Variants in PDE1C observed in about 807,000 individuals in gnomAD.
The protein encoded by PDE1C is dual specificity calcium/calmodulin-dependent 3',5'-cyclic nucleotide phosphodiesterase 1C.
Under a neutral mutation model 93.1 loss-of-function variants are expected in PDE1C, and 62 were observed. That is an observed-to-expected ratio of 0.67 (90% CI 0.54 to 0.82). The LOEUF is 0.82. Ranked by LOEUF, PDE1C falls within the 40% of genes least tolerant of loss-of-function variation. The probability of loss-of-function intolerance (pLI) is 0.00; values close to 1 mark genes in which losing one functional copy is unlikely to be tolerated. For missense variants in PDE1C, 742 were observed against 884.6 expected, an observed-to-expected ratio of 0.84 and a Z score of 2.04; for synonymous variants, 325 against 310.1, an observed-to-expected ratio of 1.05 and a Z score of -0.50.
intron 1 of PDE1C, among the ~76,000 whole-genome samples, chr7:32,405,238 T>C (rs1785028788): frequency 7.5e-6 from 1 of 133,860 alleles, no homozygotes; most frequent in Non-Finnish European, 1.6e-5. Context: ...ATAATTAACT[T>C]ATTTTTTCTT....
In PDE1C at chr7:31,824,927, A is replaced by G. The variant is rs768668672; in HGVS notation, c.1346T>C (p.Ile449Thr). 5.0e-6 allele frequency: 8 copies of G among 1,613,248 alleles called. No homozygotes were observed. The highest frequency in any genetic ancestry group is 4.4e-5 in the South Asian group (4 of 91,034). Residue 449 changes from isoleucine (I) to threonine (T), a missense_variant, in exon 13 of 18, where the codon ATT becomes ACT. This residue lies in a region of PDE1C where 454 missense variants were observed against 459.4 expected (regional missense o/e 0.99). Coordinates refer to ENST00000396191, the MANE Select transcript of PDE1C (RefSeq NM_001191057.4). ...FTVLTDMTEKIVSPLIDETSQ... is the reference protein window; with the variant it reads ...FTVLTDMTEKTVSPLIDETSQ... The stretch of plus-strand genomic sequence containing the variant: ...GGTTTCATCGATTAATGGACTCACA[A>G]TCTTCTCGGTCATGTCCGTAAGCAC...
intron 1 of PDE1C, among the ~76,000 whole-genome samples, chr7:32,210,244 A>G (rs541268301): frequency 1.6e-3 from 242 of 152,348 alleles, no homozygotes; most frequent in African/African-American, 5.6e-3. Context: ...TTAAGGGGAA[A>G]CACAGGTTTC....
intron 1 of PDE1C, among the ~76,000 whole-genome samples, chr7:32,422,436 G>T (rs761939741): frequency 1.3e-5 from 2 of 152,142 alleles, no homozygotes; most frequent in African/African-American, 2.4e-5. Flanking sequence ...CAGTCACACA[G>T]GTAGTGAGCA....
chr7:32,039,339 A>G lies in PDE1C; in HGVS notation c.128+12215T>C, dbSNP rs533156725. Among the ~76,000 whole-genome samples, 14 of 152,350 alleles carry G rather than the reference A, an allele frequency of 9.2e-5. No homozygotes were observed. The South Asian group carries it at 2.9e-3, about 32-fold the overall frequency. On this transcript the variant is annotated intron_variant, in intron 2 of 17. Transcript: ENST00000396191. ...GATGTAGGATTATGAATTTGGTATG[A>G]CAGCAGAAGGATGATTGCACATCTC...
intron 3 of PDE1C, among the ~76,000 whole-genome samples, chr7:32,164,648 G>T (rs974727387): frequency 2.0e-5 from 3 of 152,160 alleles, no homozygotes; most frequent in Non-Finnish European, 4.4e-5. Context: ...CTTTTGAGGG[G>T]ATTAAATGAG....
chr7:31,763,162 C>T (rs1238562550), intron 17 of PDE1C, among the ~76,000 whole-genome samples: 1 of 152,122 alleles, frequency 6.6e-6, no homozygotes, highest in East Asian at 1.9e-4. Context: ...TTGAGAGCAA[C>T]TTGGTTTATA....
At chr7:31,896,481 T>G (rs1426893900) in intron 2 of PDE1C, among the ~76,000 whole-genome samples, 2 of 152,326 alleles carry the variant, frequency 1.3e-5, no homozygotes, top group East Asian at 1.9e-4. Context: ...ACAGCTAGCC[T>G]TGTTGAATAT....
chr7:31,673,830 A>G, the PDE1C span, among the ~76,000 whole-genome samples: 5 of 152,272 alleles, frequency 3.3e-5, no homozygotes, highest in South Asian at 8.3e-4. Context: ...TGAAATTATA[A>G]TATCAGAGCG....
At chr7:32,081,593 C>G (rs995985099) in intron 3 of PDE1C, among the ~76,000 whole-genome samples, 2 of 152,228 alleles carry the variant, frequency 1.3e-5, no homozygotes, top group African/African-American at 4.8e-5. Flanking sequence ...CAATGCTCAG[C>G]AATTCCTAAG....
At chr7:32,133,962 A>C (rs1249075202) in intron 3 of PDE1C, among the ~76,000 whole-genome samples, 2 of 151,808 alleles carry the variant, frequency 1.3e-5, no homozygotes, top group Admixed American at 6.6e-5. Context: ...AAATATAAAA[A>C]GAAACATAAT....
chr7:32,250,143 A>G (rs1413372101), intron 1 of PDE1C, among the ~76,000 whole-genome samples: 1 of 152,106 alleles, frequency 6.6e-6, no homozygotes, highest in East Asian at 1.9e-4. Context: ...ATGACACAAG[A>G]GCTCCCATTT....
chr7:31,792,727 C>T (rs1784725775), intron 16 of PDE1C, among the ~76,000 whole-genome samples: 1 of 151,992 alleles, frequency 6.6e-6, no homozygotes, highest in Non-Finnish European at 1.5e-5. Context: ...TCAATATAAA[C>T]TGAAATTCAG....
chr7:31,968,150 GA>G (rs1487166073), intron 2 of PDE1C, among the ~76,000 whole-genome samples: 2 of 152,130 alleles, frequency 1.3e-5, no homozygotes, highest in African/African-American at 4.8e-5. Context: ...ATTCAATTAG[GA>G]AAAGAGGAAG....
chr7:31,830,616 T>G (rs901236168), intron 11 of PDE1C, among the ~76,000 whole-genome samples: 1 of 152,166 alleles, frequency 6.6e-6, no homozygotes, highest in Non-Finnish European at 1.5e-5. Flanking sequence ...GTTAGGCAGG[T>G]AGCTGTTCAC....
the PDE1C span, among the ~76,000 whole-genome samples, chr7:31,647,319 T>C: frequency 7.5e-3 from 1,135 of 152,198 alleles, 6 homozygotes; most frequent in Non-Finnish European, 0.011. Context: ...TAACAGGACA[T>C]AGCTCTTGGA....
At chr7:32,053,874 C>T (rs548791050) in intron 1 of PDE1C, among the ~76,000 whole-genome samples, 8 of 152,182 alleles carry the variant, frequency 5.3e-5, no homozygotes, top group Non-Finnish European at 1.2e-4. Context: ...TTAAGACATG[C>T]ACCTAAAGTG....
intron 1 of PDE1C, among the ~76,000 whole-genome samples, chr7:32,251,282 T>C (rs1197702911): frequency 6.6e-6 from 1 of 152,168 alleles, no homozygotes; most frequent in Non-Finnish European, 1.5e-5. Flanking sequence ...AGGCCCGTCA[T>C]GTCCTCTCCC....
chr7:32,257,170 G>C (rs968038338), intron 1 of PDE1C, among the ~76,000 whole-genome samples: 4 of 152,166 alleles, frequency 2.6e-5, no homozygotes. Context: ...AGGAAAGATT[G>C]AGACGATGAA....
At chr7:32,299,982 G>A (rs215610), upstream of PDE1C, among the ~76,000 whole-genome samples, 115,484 of 152,076 alleles carry the variant, frequency 0.76, 44,207 homozygotes, top group Admixed American at 0.82. Flanking sequence ...CACAATTAAC[G>A]AACACTTGCC....
Sources: gnomAD v4.1 joint callset for allele counts (sites outside exome capture counted in the v4.1 genomes callset) on GRCh38, gnomAD v4.1.1 for gene constraint, gnomAD v4.1.1 regional missense constraint, MANE v1.5 for transcripts, NCBI Gene and HGNC (gene_info 2026-07-23, HGNC 2026-07-21) for gene names.